SGTB: variants seen among roughly 807,000 people sequenced by gnomAD.
SGTB encodes small glutamine-rich tetratricopeptide repeat-containing protein beta.
SGTB carries 19 observed loss-of-function variants against 43.9 expected under a neutral mutation model. That is an observed-to-expected ratio of 0.43 (90% CI 0.30 to 0.63). The LOEUF (loss-of-function observed/expected upper bound fraction) is 0.63. Among genes scored for constraint, SGTB ranks in the 30% least tolerant of loss-of-function variants. The probability of loss-of-function intolerance (pLI) is 0.12; values close to 1 mark genes in which losing one functional copy is unlikely to be tolerated. For synonymous variants in SGTB, 116 were observed against 117.3 expected, an observed-to-expected ratio of 0.99 and a Z score of 0.07; for missense variants, 304 against 358.9, an observed-to-expected ratio of 0.85 and a Z score of 1.24.
intron 5 of SGTB, among the ~76,000 whole-genome samples, chr5:65,695,253 T>C (rs1220678813): frequency 6.6e-6 from 1 of 152,156 alleles, no homozygotes; most frequent in East Asian, 1.9e-4. Flanking sequence ...AAATCTGGCT[T>C]CAGATTCTGA....
chr5:65,676,816 A>G (rs1345029809), intron 8 of SGTB, among the ~76,000 whole-genome samples: 2 of 152,064 alleles, frequency 1.3e-5, no homozygotes, highest in Non-Finnish European at 1.5e-5. Context: ...CACAGCTAAA[A>G]TTTCATTCTT....
chr5:65,700,682 CAAAAA>C (rs376335799), intron 5 of SGTB, among the ~76,000 whole-genome samples: 3 of 80,810 alleles, frequency 3.7e-5, no homozygotes, highest in African/African-American at 5.2e-5. Flanking sequence ...CTCTGTCTCC[CAAAAA>C]AAAAAAAAAA....
In SGTB at chr5:65,699,800, T is replaced by C. The variant is rs137952854; in HGVS notation, c.374+4479A>G. ...AGATATGGTACTCTTCTCAAGTTTG[T>C]GGATAACATGAAAATGGGAGTAAGA... On this transcript the variant is annotated intron_variant, in intron 5 of 10. Transcript: ENST00000381007. Among the ~76,000 whole-genome samples, 332 of 152,310 alleles carry C rather than the reference T, an allele frequency of 2.2e-3. 3 individuals are homozygous for C. The highest frequency in any genetic ancestry group is 7.9e-3 in the African/African-American group (328 of 41,570).
chr5:65,722,895 C>G (rs1241647224), upstream of SGTB: 1 of 153,986 alleles, frequency 6.5e-6, no homozygotes, highest in Non-Finnish European at 1.4e-5. Context: ...TCCATGCTCT[C>G]TGACTTCCTT....
rs1388482665 is a variant in SGTB, at chr5:65,685,263, T to C, written c.479+105A>G. 4 of 873,336 alleles carry C rather than the reference T, an allele frequency of 4.6e-6. No individual in the cohort carries two copies. The African/African-American group carries it at 6.7e-5, about 15-fold the overall frequency. 54.1% of individuals were successfully genotyped at this position (873,336 alleles called of 1,614,324 possible). On this transcript the variant is annotated intron_variant, in intron 6 of 10. Coordinates refer to ENST00000381007, the MANE Select transcript of SGTB (RefSeq NM_019072.3). ...CCTTATGTTTTATTTATCCTCTTATTAGTTCAGAGGGTAAAACATTAAGCA... is the reference window on the plus strand; with the variant it reads ...CCTTATGTTTTATTTATCCTCTTATCAGTTCAGAGGGTAAAACATTAAGCA...
At chr5:65,683,203 A>T (rs951197164) in intron 6 of SGTB, among the ~76,000 whole-genome samples, 2 of 152,056 alleles carry the variant, frequency 1.3e-5, no homozygotes, top group South Asian at 2.1e-4. Flanking sequence ...TCACAAATAA[A>T]AGGCACAAAA....
At chr5:65,696,232 T>C (rs2150714290) in intron 5 of SGTB, among the ~76,000 whole-genome samples, 2 of 152,300 alleles carry the variant, frequency 1.3e-5, no homozygotes, top group South Asian at 4.1e-4. Context: ...CTCCATCACC[T>C]AAGAGGCCTT....
At chr5:65,720,082 T>C (rs1158057733) in intron 2 of SGTB, among the ~76,000 whole-genome samples, 1 of 63,652 alleles carries the variant, frequency 1.6e-5, no homozygotes, top group Non-Finnish European at 3.5e-5. Flanking sequence ...TTTCTTTTTC[T>C]TTTTTTTTTT....
At position 65,670,215 on chromosome 5, in the gene SGTB, T is replaced by A; in HGVS notation, c.*31A>T. 6.3e-7 allele frequency: 1 copy of A among 1,595,890 alleles called. No individual in the cohort carries two copies. The highest frequency in any genetic ancestry group is 1.1e-5 in the South Asian group (1 of 90,624). ...ATACTTCATTCATAGCCATAAACCA[T>A]TTGTATCTTGGGCTTGAGCCCCTGG... On this transcript the variant is annotated 3_prime_UTR_variant, in exon 11 of 11. Coordinates refer to ENST00000381007, the MANE Select transcript of SGTB (RefSeq NM_019072.3).
intron 5 of SGTB, among the ~76,000 whole-genome samples, chr5:65,701,793 C>A (rs1579875461): frequency 6.6e-6 from 1 of 152,036 alleles, no homozygotes; most frequent in East Asian, 1.9e-4. Flanking sequence ...CCACCATGCC[C>A]GGCTAATTCC....
chr5:65,700,218 C>G (rs973126221), intron 5 of SGTB, among the ~76,000 whole-genome samples: 8 of 152,150 alleles, frequency 5.3e-5, no homozygotes, highest in African/African-American at 1.9e-4. Context: ...GGAACTATAT[C>G]TAACAGACAG....
At chr5:65,678,228 A>C (rs962686280) in intron 8 of SGTB, among the ~76,000 whole-genome samples, 4 of 152,170 alleles carry the variant, frequency 2.6e-5, no homozygotes, top group Non-Finnish European at 5.9e-5. Flanking sequence ...GTCAAATCAC[A>C]AATGAACTCG....
At chr5:65,714,486 G>A (rs1758110307) in intron 2 of SGTB, among the ~76,000 whole-genome samples, 1 of 152,184 alleles carries the variant, frequency 6.6e-6, no homozygotes, top group Admixed American at 6.5e-5. Context: ...GGTATACAGT[G>A]GGTGGAAAGA....
At position 65,672,269 on chromosome 5, in the gene SGTB, T is replaced by C; in HGVS notation, c.694A>G (p.Met232Val). 3 of 1,614,146 alleles carry C rather than the reference T, an allele frequency of 1.9e-6. No homozygotes were observed. Among genetic ancestry groups the C allele is most frequent in the Non-Finnish European group, 2.5e-6 (3 of 1,180,004 alleles). The change falls in exon 9 of 11, where the codon ATG (methionine) becomes GTG (valine). Residue 232 changes from methionine (M) to valine (V), a missense_variant. Coordinates refer to ENST00000381007, the MANE Select transcript of SGTB (RefSeq NM_019072.3). ...PAFISMAASL[M>V]QNPQVQQLMS... ...AGCTGTTGAACTTGAGGGTTCTGCA[T>C]TAAACTTGCCGCCTGGAATTGAAAA...
chr5:65,720,588 C>T (rs916014567), intron 2 of SGTB, 120 bp downstream of exon 2: 11 of 1,193,602 alleles, frequency 9.2e-6, no homozygotes, highest in Non-Finnish European at 1.3e-5. Context: ...CAGGCCTCTC[C>T]TCTTGAAAGA....
At chr5:65,680,453 G>A in intron 8 of SGTB, 41 bp downstream of exon 8, 2 of 1,607,472 alleles carry the variant, frequency 1.2e-6, no homozygotes, top group Non-Finnish European at 1.7e-6. Flanking sequence ...ATAGTCTATG[G>A]AAAACATAGC....
intron 2 of SGTB, among the ~76,000 whole-genome samples, chr5:65,716,570 T>C (rs1398023769): frequency 6.6e-6 from 1 of 152,162 alleles, no homozygotes; most frequent in Non-Finnish European, 1.5e-5. Context: ...TACAGGGTAT[T>C]TGAGAAAGAG....
At chr5:65,708,331 G>A (rs1346021687) in intron 4 of SGTB, among the ~76,000 whole-genome samples, 158 bp downstream of exon 4, 1 of 151,974 alleles carries the variant, frequency 6.6e-6, no homozygotes, top group African/African-American at 2.4e-5. Context: ...GTACTTCCAG[G>A]CTTCTTACCC....
rs550775501 is a variant in SGTB at position 65,667,261 on chromosome 5, A to G, written c.*2985T>C. 1.4e-5 allele frequency: 2 copies of G among 148,142 alleles called. No individual in the cohort carries two copies. The highest frequency in any genetic ancestry group is 1.4e-4 in the Admixed American group (2 of 14,810). 9.2% of individuals were successfully genotyped at this position (148,142 alleles called of 1,614,324 possible). A position where few individuals can be genotyped will look rare whatever the true frequency, so the allele number is the denominator to read the frequency against. ...TAGTGTCTGTAGTGTATTCCCTTTC[A>G]TTTCTGACACTGAATTTGTATCTTC... On this transcript the variant is annotated 3_prime_UTR_variant, in exon 11 of 11. Transcript: ENST00000381007.
Sources: gnomAD v4.1 joint callset for allele counts (sites outside exome capture counted in the v4.1 genomes callset) on GRCh38, gnomAD v4.1.1 for gene constraint, MANE v1.5 for transcripts, NCBI Gene and HGNC (gene_info 2026-07-23, HGNC 2026-07-21) for gene names.